PTPRD: variants seen among roughly 807,000 people sequenced by gnomAD.
PTPRD encodes protein tyrosine phosphatase receptor type D, also known as receptor-type tyrosine-protein phosphatase delta.
In PTPRD, 34 loss-of-function variants were observed where a neutral mutation model predicts 214.5. The observed-to-expected ratio is 0.16, with a 90% confidence interval of 0.12 to 0.21. The LOEUF is 0.21. PTPRD is among the 10% of genes least tolerant of loss of function. The probability of loss-of-function intolerance (pLI) is 1.00; values close to 1 mark genes in which losing one functional copy is unlikely to be tolerated. For missense variants in PTPRD, 2,545 were observed against 2,398.7 expected, an observed-to-expected ratio of 1.06 and a Z score of -1.27; for synonymous variants, 1,128 against 845.7, an observed-to-expected ratio of 1.33 and a Z score of -5.79.
chr9:9,846,211 G>A (rs978408015), intron 5 of PTPRD, among the ~76,000 whole-genome samples: 3 of 151,944 alleles, frequency 2.0e-5, no homozygotes, highest in Non-Finnish European at 4.4e-5. Flanking sequence ...ATCACCCCTA[G>A]ATTGTAGATC....
chr9:9,911,936 T>A (rs193222231), intron 5 of PTPRD, among the ~76,000 whole-genome samples: 6 of 152,106 alleles, frequency 3.9e-5, no homozygotes, highest in Admixed American at 3.9e-4. Context: ...TTGTCACTGT[T>A]ATGGAACCAG....
chr9:8,612,589 A>C (rs2095488639), intron 14 of PTPRD, among the ~76,000 whole-genome samples: 1 of 152,242 alleles, frequency 6.6e-6, no homozygotes, highest in African/African-American at 2.4e-5. Context: ...GAAGCAAGAC[A>C]GAAGAATAAG....
At chr9:8,948,838 G>A (rs1252851018) in intron 11 of PTPRD, among the ~76,000 whole-genome samples, 11 of 151,518 alleles carry the variant, frequency 7.3e-5, no homozygotes, top group Non-Finnish European at 1.3e-4. Context: ...GGTAACAGAT[G>A]ATGTGATAGA....
intron 9 of PTPRD, among the ~76,000 whole-genome samples, chr9:9,327,550 T>A (rs1342013655): frequency 6.6e-6 from 1 of 152,152 alleles, no homozygotes; most frequent in Non-Finnish European, 1.5e-5. Flanking sequence ...AGAAGCACTT[T>A]TAAACAGCCA....
chr9:8,388,535 C>A (rs1209375113), intron 37 of PTPRD, among the ~76,000 whole-genome samples: 1 of 152,134 alleles, frequency 6.6e-6, no homozygotes, highest in Non-Finnish European at 1.5e-5. Flanking sequence ...ATACTGCTTA[C>A]CCATTATTTT....
intron 10 of PTPRD, among the ~76,000 whole-genome samples, chr9:9,159,481 G>C (rs2099884445): frequency 6.6e-6 from 1 of 152,058 alleles, no homozygotes; most frequent in Admixed American, 6.6e-5. Flanking sequence ...AACAAAATAT[G>C]TAGGTGTAAA....
chr9:9,661,423 C>T (rs1177838276), intron 7 of PTPRD, among the ~76,000 whole-genome samples: 1 of 151,772 alleles, frequency 6.6e-6, no homozygotes, highest in Non-Finnish European at 1.5e-5. Flanking sequence ...ATGTTTCAAC[C>T]TAGAAGCATC....
intron 9 of PTPRD, among the ~76,000 whole-genome samples, chr9:9,342,132 C>T (rs771986226): frequency 3.3e-5 from 5 of 152,174 alleles, no homozygotes; most frequent in Non-Finnish European, 5.9e-5. Flanking sequence ...AAAAGTTTTT[C>T]AGTAGCATAG....
intron 6 of PTPRD, among the ~76,000 whole-genome samples, chr9:9,766,153 T>A (rs553696297): frequency 6.6e-6 from 1 of 152,202 alleles, no homozygotes; most frequent in African/African-American, 2.4e-5. Context: ...CGTTTATTCA[T>A]CTTATACATT....
In PTPRD at chr9:9,955,537, T is replaced by TTGTTTTG. The variant is rs1471792074; in HGVS notation, c.-471-16928_-471-16927insCAAAACA. On this transcript the variant is annotated intron_variant, in intron 4 of 45. Transcript: ENST00000381196. Reference sequence around the variant, plus strand: ...TTTTGTTTTGTTTTGTTTTTTTTTTTTTTTGAGACAGAGTCTCGCTCTGTC... The same window carrying TTGTTTTG: ...TTTTGTTTTGTTTTGTTTTTTTTTTTTGTTTTGTTTTGAGACAGAGTCTCGCTCTGTC... 1.5e-3 allele frequency among the ~76,000 whole-genome samples: 215 copies of TTGTTTTG among 139,098 alleles called. 8 individuals carry two copies. In the South Asian group the frequency reaches 0.048, roughly 31 times the overall value. 91.3% of individuals were successfully genotyped at this position (139,098 alleles called of 152,430 possible).
intron 14 of PTPRD, among the ~76,000 whole-genome samples, chr9:8,584,983 T>C (rs1158847534): frequency 6.6e-6 from 1 of 152,154 alleles, no homozygotes; most frequent in Non-Finnish European, 1.5e-5. Flanking sequence ...AGCACGGAGG[T>C]AATCTCCTCT....
intron 9 of PTPRD, among the ~76,000 whole-genome samples, chr9:9,331,537 A>G (rs926488966): frequency 2.0e-5 from 3 of 152,104 alleles, no homozygotes; most frequent in African/African-American, 7.2e-5. Context: ...AACAGGCAGT[A>G]TAACAGCTCT....
intron 4 of PTPRD, among the ~76,000 whole-genome samples, chr9:9,981,585 C>T (rs1309730247): frequency 6.6e-6 from 1 of 151,948 alleles, no homozygotes; most frequent in Non-Finnish European, 1.5e-5. Flanking sequence ...TGGTCTCGAT[C>T]TCCTGACCTT....
chr9:9,305,569 C>G lies in PTPRD; in HGVS notation c.-203+91880G>C, dbSNP rs1049890464. Among the ~76,000 whole-genome samples the G allele has an allele frequency of 2.8e-4, 43 of 152,084 alleles. 1 individual carries two copies. Among genetic ancestry groups the G allele is most frequent in the Non-Finnish European group, 4.4e-5 (3 of 68,018 alleles). ...ATTCAATAGCGCCTCTCTCTTCTGT[C>G]TCACCAATCACCTTTAAAAGAATAT... On this transcript the variant is annotated intron_variant, in intron 9 of 45. Coordinates refer to ENST00000381196, the MANE Select transcript of PTPRD (RefSeq NM_002839.4).
intron 2 of PTPRD, among the ~76,000 whole-genome samples, chr9:10,362,781 G>A (rs1398666534): frequency 1.3e-5 from 2 of 152,166 alleles, no homozygotes; most frequent in Non-Finnish European, 2.9e-5. Flanking sequence ...TTAGGAGGCT[G>A]AGGCAGAAGA....
intron 4 of PTPRD, among the ~76,000 whole-genome samples, chr9:9,948,558 G>C (rs1328056596): frequency 1.3e-5 from 2 of 152,056 alleles, no homozygotes; most frequent in Non-Finnish European, 2.9e-5. Context: ...TGCACTTTTA[G>C]CCTCAACTCT....
intron 2 of PTPRD, among the ~76,000 whole-genome samples, chr9:10,417,662 C>A (rs1438320974): frequency 6.6e-6 from 1 of 151,464 alleles, no homozygotes; most frequent in Non-Finnish European, 1.5e-5. Context: ...CATGTTATTA[C>A]TTAATATTAG....
At chr9:10,112,405 A>T (rs1008808982) in intron 3 of PTPRD, among the ~76,000 whole-genome samples, 2 of 152,138 alleles carry the variant, frequency 1.3e-5, no homozygotes, top group African/African-American at 4.8e-5. Flanking sequence ...TTGTTCAATG[A>T]TGTATCTTCC....
intron 36 of PTPRD, among the ~76,000 whole-genome samples, chr9:8,390,598 C>A (rs1159058936): frequency 6.6e-6 from 1 of 152,010 alleles, no homozygotes; most frequent in Non-Finnish European, 1.5e-5. Flanking sequence ...CCTTTGCTAC[C>A]CTAATGACAA....
Sources: gnomAD v4.1 joint callset for allele counts (sites outside exome capture counted in the v4.1 genomes callset) on GRCh38, gnomAD v4.1.1 for gene constraint, MANE v1.5 for transcripts, NCBI Gene and HGNC (gene_info 2026-07-23, HGNC 2026-07-21) for gene names.